Variants in LRMDA observed in about 807,000 individuals in gnomAD.
LRMDA encodes leucine-rich melanocyte differentiation-associated protein.
LRMDA carries 18 observed loss-of-function variants against 29.8 expected under a neutral mutation model. That is an observed-to-expected ratio of 0.60 (90% CI 0.42 to 0.90). The LOEUF (loss-of-function observed/expected upper bound fraction) is 0.90. Ranked by LOEUF, LRMDA falls within the 40% of genes least tolerant of loss-of-function variation. The pLI is 0.00. For missense variants in LRMDA, 273 were observed against 273.9 expected (o/e 1.00, Z 0.02); for synonymous variants, 125 against 109.4 (o/e 1.14, Z -0.89).
chr10:75,755,427 C>T (rs1843020314), intron 2 of LRMDA, among the ~76,000 whole-genome samples: 1 of 152,134 alleles, frequency 6.6e-6, no homozygotes, highest in Admixed American at 6.5e-5. Flanking sequence ...GGGTTGGGGG[C>T]AAGTTTTTGA....
intron 5 of LRMDA, among the ~76,000 whole-genome samples, chr10:76,081,475 A>T (rs967727301): frequency 1.3e-5 from 2 of 152,214 alleles, no homozygotes; most frequent in Non-Finnish European, 2.9e-5. Context: ...AAGTAACACT[A>T]TTGGATTGCC....
intron 2 of LRMDA, among the ~76,000 whole-genome samples, chr10:75,785,371 G>T (rs915149979): frequency 5.9e-5 from 9 of 152,138 alleles, no homozygotes; most frequent in African/African-American, 1.7e-4. Flanking sequence ...AGCTCTCCCA[G>T]TTCCCAGGTG....
intron 5 of LRMDA, among the ~76,000 whole-genome samples, chr10:76,186,226 C>T (rs777074806): frequency 4.6e-5 from 7 of 152,104 alleles, no homozygotes; most frequent in South Asian, 4.1e-4. Context: ...GCCAGATGGG[C>T]GGCCTGGAAG....
intron 5 of LRMDA, among the ~76,000 whole-genome samples, chr10:76,143,874 T>G (rs1016773109): frequency 4.6e-5 from 7 of 152,072 alleles, no homozygotes; most frequent in South Asian, 4.1e-4. Context: ...TTTGTATAAG[T>G]TGTAAGGAAG....
At chr10:75,618,495 AT>A (rs1210796904) in intron 2 of LRMDA, among the ~76,000 whole-genome samples, 1 of 112,538 alleles carries the variant, frequency 8.9e-6, no homozygotes, top group African/African-American at 3.5e-5. Context: ...AACTATATAT[AT>A]ATCAACCATA....
chr10:75,654,033 A>G (rs982869318), intron 2 of LRMDA, among the ~76,000 whole-genome samples: 1 of 152,186 alleles, frequency 6.6e-6, no homozygotes, highest in Admixed American at 6.5e-5. Context: ...TCACACCCAT[A>G]GTCAGCGCAC....
intron 2 of LRMDA, among the ~76,000 whole-genome samples, chr10:75,983,385 T>A (rs1190960451): frequency 6.6e-6 from 1 of 152,208 alleles, no homozygotes; most frequent in Non-Finnish European, 1.5e-5. Flanking sequence ...ATGATCCCAG[T>A]TTACTTTGAA....
chr10:76,327,092 CTT>C (rs35683783), intron 6 of LRMDA, among the ~76,000 whole-genome samples: 9 of 134,962 alleles, frequency 6.7e-5, no homozygotes, highest in African/African-American at 1.4e-4. Flanking sequence ...TCCAAATCAT[CTT>C]TTTTTTTTTT....
chr10:75,887,646 G>T (rs1480507536), intron 2 of LRMDA, among the ~76,000 whole-genome samples: 1 of 151,982 alleles, frequency 6.6e-6, no homozygotes, highest in East Asian at 1.9e-4. Context: ...TTGTGTCATT[G>T]TGACATATGC....
intron 2 of LRMDA, among the ~76,000 whole-genome samples, chr10:75,580,259 C>T (rs1165143570): frequency 3.9e-5 from 6 of 152,170 alleles, no homozygotes; most frequent in Non-Finnish European, 7.3e-5. Flanking sequence ...AAATCACAAA[C>T]ATTCCTATAC....
chr10:75,600,966 G>A (rs1369589524), intron 2 of LRMDA, among the ~76,000 whole-genome samples: 1 of 152,212 alleles, frequency 6.6e-6, no homozygotes, highest in Non-Finnish European at 1.5e-5. Context: ...TTCCAGAGCT[G>A]AGCCAAGGCT....
At chr10:75,744,297 T>C (rs1842865406) in intron 2 of LRMDA, among the ~76,000 whole-genome samples, 1 of 152,212 alleles carries the variant, frequency 6.6e-6, no homozygotes. Flanking sequence ...CATCTGTTCA[T>C]ATATCCTCCT....
At chr10:76,501,693 T>A (rs1436985916) in intron 6 of LRMDA, among the ~76,000 whole-genome samples, 1 of 151,988 alleles carries the variant, frequency 6.6e-6, no homozygotes, top group Non-Finnish European at 1.5e-5. Context: ...TTTTCCCATT[T>A]TTGATGGGAT....
At chr10:75,601,996 G>A (rs1840892982) in intron 2 of LRMDA, among the ~76,000 whole-genome samples, 1 of 152,134 alleles carries the variant, frequency 6.6e-6, no homozygotes, top group African/African-American at 2.4e-5. Flanking sequence ...TTCTCCTCCA[G>A]AATACTATCT....
intron 2 of LRMDA, among the ~76,000 whole-genome samples, chr10:75,709,576 C>T (rs980599037): frequency 2.6e-5 from 4 of 152,024 alleles, no homozygotes; most frequent in African/African-American, 9.7e-5. Context: ...GATCATATTC[C>T]AGTCAAGGTC....
intron 2 of LRMDA, among the ~76,000 whole-genome samples, chr10:75,467,955 G>GTC (rs1477884319): frequency 1.1e-4 from 9 of 82,618 alleles, no homozygotes; most frequent in Non-Finnish European, 1.4e-4. Context: ...GTGAGACTCC[G>GTC]TCACACACAC....
intron 2 of LRMDA, among the ~76,000 whole-genome samples, chr10:75,475,558 C>T (rs1297613986): frequency 6.6e-6 from 1 of 152,180 alleles, no homozygotes; most frequent in Non-Finnish European, 1.5e-5. Flanking sequence ...AAGGGCTGAT[C>T]GTTGAAGCCC....
intron 2 of LRMDA, among the ~76,000 whole-genome samples, chr10:76,020,759 G>A (rs1292929769): frequency 1.3e-5 from 2 of 152,244 alleles, no homozygotes; most frequent in East Asian, 1.9e-4. Context: ...CCCCACTGCT[G>A]TTCAGAAAAC....
chr10:75,695,317 G>A (rs1842220392), intron 2 of LRMDA, among the ~76,000 whole-genome samples: 1 of 151,600 alleles, frequency 6.6e-6, no homozygotes, highest in Non-Finnish European at 1.5e-5. Flanking sequence ...TTATCTATCA[G>A]TTCATTAAAA....
Sources: gnomAD v4.1 joint callset for allele counts (sites outside exome capture counted in the v4.1 genomes callset) on GRCh38, gnomAD v4.1.1 for gene constraint, MANE v1.5 for transcripts, NCBI Gene and HGNC (gene_info 2026-07-23, HGNC 2026-07-21) for gene names.